The following DPH2 variants were observed in gnomAD, a reference collection of about 807,000 sequenced individuals.
The protein encoded by DPH2 is 2-(3-amino-3-carboxypropyl)histidine synthase subunit 2.
A neutral mutation model predicts 42.5 loss-of-function variants in DPH2; 28 were observed. The observed-to-expected ratio is 0.66, with a 90% CI of 0.49 to 0.90. The LOEUF (loss-of-function observed/expected upper bound fraction) is 0.90, where lower values mean the gene tolerates loss of function less well. Ranked by LOEUF, DPH2 falls within the 40% of genes least tolerant of loss-of-function variation. The pLI is 0.00. For missense variants in DPH2, 576 were observed against 636.0 expected, an observed-to-expected ratio of 0.91 and a Z score of 1.01; for synonymous variants, 279 against 264.4, an observed-to-expected ratio of 1.06 and a Z score of -0.53.
intron 5 of DPH2, 29 bp downstream of exon 5, chr1:43,972,363 G>A: frequency 1.2e-6 from 2 of 1,613,480 alleles, no homozygotes; most frequent in East Asian, 2.2e-5. Context: ...ACTCCCAGCT[G>A]AGCTTTTTCT....
chr1:43,972,621 C>T lies in DPH2; in HGVS notation c.*82C>T, dbSNP rs542210663. 13 of 1,571,212 alleles carry T rather than the reference C, an allele frequency of 8.3e-6. No individual in the cohort carries two copies. Among genetic ancestry groups the T allele is most frequent in the Admixed American group, 5.3e-5 (3 of 56,920 alleles). The stretch of plus-strand genomic sequence containing the variant: ...TGCTCCCTGCACCAACCTCCCATCC[C>T]CCTGCCAAGATCCTTGAAGGACCCT... On this transcript the variant is annotated 3_prime_UTR_variant, in exon 6 of 6. Coordinates refer to ENST00000255108, the MANE Select transcript of DPH2 (RefSeq NM_001384.5).
At chr1:43,972,113 G>C in intron 4 of DPH2, 43 bp downstream of exon 4, 2 of 1,608,768 alleles carry the variant, frequency 1.2e-6, no homozygotes, top group South Asian at 1.1e-5. Flanking sequence ...CCTGGGGCAC[G>C]GAGTCAGGGG....
chr1:43,970,394 G>A (rs1019400176), intron 1 of DPH2, 72 bp downstream of exon 1: 4 of 1,581,500 alleles, frequency 2.5e-6, no homozygotes, highest in Non-Finnish European at 3.4e-6. Flanking sequence ...GGATCTTGGG[G>A]GATTTTGTGA....
At chr1:43,970,886 T>C (rs572975806) in intron 2 of DPH2, 80 bp from the exon 3 acceptor site, 2 of 1,454,424 alleles carry the variant, frequency 1.4e-6, no homozygotes, top group South Asian at 1.2e-5. Flanking sequence ...ACCATTTTAT[T>C]CACTGACCAC....
At chr1:43,970,448 C>T (rs979065521) in intron 1 of DPH2, 126 bp downstream of exon 1, 2 of 1,528,872 alleles carry the variant, frequency 1.3e-6, no homozygotes, top group Non-Finnish European at 1.8e-6. Flanking sequence ...GCGCGTTGAC[C>T]ATCCCTCCCT....
chr1:43,971,427 G>T lies in DPH2; in HGVS notation c.525G>T (p.Leu175=), dbSNP rs1355072933. 6.2e-7 allele frequency: 1 copy of T among 1,608,212 alleles called. No homozygotes were observed. The highest frequency in any genetic ancestry group is 1.7e-5 in the Admixed American group (1 of 59,448). The change falls in exon 4 of 6, where the codon CTG becomes CTT. Residue 175 remains leucine (L), a synonymous_variant. Coordinates refer to ENST00000255108, the MANE Select transcript of DPH2 (RefSeq NM_001384.5). ...ATLLRPRYLD[L]LVSSPAFPQP... ...TCCTGCGCCCACGGTACCTGGACCT[G>T]CTAGTCTCCAGCCCAGCTTTTCCCC...
At position 43,971,464 on chromosome 1, in the gene DPH2, T is replaced by G. The variant is rs1201334829; in HGVS notation, c.562T>G (p.Ser188Ala). The change falls in exon 4 of 6, where the codon TCC becomes GCC. Residue 188 changes from serine (S) to alanine (A), a missense_variant. Ser to Ala is a moderately conservative substitution (Grantham distance 99). Transcript: ENST00000255108. ...SSPAFPQPVGSLSPEPMPLER... is the reference protein window; with the variant it reads ...SSPAFPQPVGALSPEPMPLER... ...CCCAGCTTTTCCCCAACCAGTGGGT[T>G]CCCTGAGTCCAGAGCCTATGCCCCT... is the stretch of plus-strand genomic sequence containing the variant. 1.2e-6 allele frequency: 2 copies of G among 1,613,852 alleles called. No homozygotes were observed. The highest frequency in any genetic ancestry group is 1.3e-5 in the African/African-American group (1 of 74,930).
chr1:43,971,859 G>A lies in DPH2; in HGVS notation c.957G>A (p.Leu319=). The change falls in exon 4 of 6, where the codon CTG becomes CTA. Residue 319 remains leucine (L), a synonymous_variant. Transcript: ENST00000255108. ...AAGKRSYVLA[L]GRPTPAKLAN... ...GCAAGCGTAGCTATGTGTTGGCCCT[G>A]GGGCGGCCCACCCCTGCCAAGCTTG... 3 of 1,614,006 alleles carry A rather than the reference G, an allele frequency of 1.9e-6. No individual in the cohort carries two copies. Among genetic ancestry groups the A allele is most frequent in the East Asian group, 2.2e-5 (1 of 44,886 alleles).
chr1:43,971,835 C>T lies in DPH2; in HGVS notation c.933C>T (p.Gly311=). The T allele has an allele frequency of 6.2e-7, 1 of 1,613,500 alleles. No individual in the cohort carries two copies. The highest frequency in any genetic ancestry group is 1.1e-5 in the South Asian group (1 of 91,088). ...AHLRNLTQAA[G]KRSYVLALGR... is the part of the protein sequence containing the mutation. Reference sequence around the variant, plus strand: ...TGCGGAACCTGACTCAGGCTGCTGGCAAGCGTAGCTATGTGTTGGCCCTGG... The same window carrying T: ...TGCGGAACCTGACTCAGGCTGCTGGTAAGCGTAGCTATGTGTTGGCCCTGG... The change falls in exon 4 of 6, where the codon GGC becomes GGT. Residue 311 remains glycine, a synonymous_variant. Coordinates refer to ENST00000255108, the MANE Select transcript of DPH2 (RefSeq NM_001384.5).
chr1:43,970,823 G>T, intron 2 of DPH2, 115 bp downstream of exon 2: 1 of 1,291,730 alleles, frequency 7.7e-7, no homozygotes, highest in South Asian at 1.2e-5. Context: ...TAATGGTAAT[G>T]ACTCCCCTTC....
At chr1:43,970,372 C>T in intron 1 of DPH2, 50 bp downstream of exon 1, 2 of 1,595,444 alleles carry the variant, frequency 1.3e-6, no homozygotes, top group Non-Finnish European at 8.6e-7. Context: ...GGATGGGTCG[C>T]CCAGAGGATC....
At position 43,972,942 on chromosome 1, in the gene DPH2, A is replaced by C; in HGVS notation, c.*403A>C. ...CGTACTTGACATTTGGGGCCAGATAATTCTTTGTTGTGGGGCTGTCTGGTG... is the reference window on the plus strand; with the variant it reads ...CGTACTTGACATTTGGGGCCAGATACTTCTTTGTTGTGGGGCTGTCTGGTG... On this transcript the variant is annotated 3_prime_UTR_variant, in exon 6 of 6. Transcript: ENST00000255108. 6.0e-6 allele frequency: 1 copy of C among 166,668 alleles called. No individual in the cohort carries two copies. Among genetic ancestry groups the C allele is most frequent in the Non-Finnish European group, 1.3e-5 (1 of 76,864 alleles). The allele number at this position is 166,668 out of a possible 1,614,324, so 10.3% of individuals were successfully genotyped here.
chr1:43,971,937 T>C lies in DPH2; in HGVS notation c.1035T>C (p.Ala345=). Residue 345 remains alanine, a synonymous_variant, in exon 4 of 6, where the codon GCT becomes GCC. Transcript: ENST00000255108. ...VFVLLACPLG[A]LAPQLSGSFF... is the part of the protein sequence containing the mutation. ...TGCTATTAGCCTGTCCTCTGGGTGC[T>C]CTAGCCCCCCAGCTTTCTGGTAGCT... The C allele has an allele frequency of 1.2e-6, 2 of 1,614,220 alleles. No homozygotes were observed. Among genetic ancestry groups the C allele is most frequent in the Non-Finnish European group, 1.7e-6 (2 of 1,180,034 alleles).
At position 43,971,748 on chromosome 1, in the gene DPH2, C is replaced by G. The variant is rs780063524; in HGVS notation, c.846C>G (p.Arg282=). 2 of 1,610,156 alleles carry G rather than the reference C, an allele frequency of 1.2e-6. No individual in the cohort carries two copies. The highest frequency in any genetic ancestry group is 1.3e-5 in the African/African-American group (1 of 75,060). Residue 282 remains arginine, a synonymous_variant, in exon 4 of 6, where the codon CGC becomes CGG. Coordinates refer to ENST00000255108, the MANE Select transcript of DPH2 (RefSeq NM_001384.5). ...TGGTAGAGAGGGCCAGAGATGCCCGCGTGGTAGGGCTGCTGGCAGGCACAC... is the reference window on the plus strand; with the variant it reads ...TGGTAGAGAGGGCCAGAGATGCCCGGGTGGTAGGGCTGCTGGCAGGCACAC... ...RYLVERARDA[R]VVGLLAGTLG...
Position 43,971,716 on chromosome 1 carries a change from C to T in DPH2, c.814C>T (p.Arg272Ter), listed in dbSNP as rs761205307. 6 of 1,612,604 alleles carry T rather than the reference C, an allele frequency of 3.7e-6. No homozygotes were observed. Among genetic ancestry groups the T allele is most frequent in the Non-Finnish European group, 5.1e-6 (6 of 1,179,944 alleles). ...ARAGRLRARRRYLVERARDAR... is the reference protein window; with the variant it reads ...ARAGRLRARR Reference sequence around the variant, plus strand: ...GGCTGGACGGCTAAGGGCACGAAGACGATATCTGGTAGAGAGGGCCAGAGA... The same window carrying T: ...GGCTGGACGGCTAAGGGCACGAAGATGATATCTGGTAGAGAGGGCCAGAGA... Residue 272 changes from arginine (R) to a stop codon, truncating the protein, a stop_gained, in exon 4 of 6, where the codon CGA (arginine) becomes TGA (stop). Transcript: ENST00000255108. LOFTEE classifies it high-confidence loss of function.
At position 43,972,653 on chromosome 1, in the gene DPH2, A is replaced by G. The variant is rs2085460609; in HGVS notation, c.*114A>G. On this transcript the variant is annotated 3_prime_UTR_variant, in exon 6 of 6. Transcript: ENST00000255108. ...AAGATCCTTGAAGGACCCTGGAAGG[A>G]GGGAGAGCAGGCAGCCCTTCACAGG... 6.8e-7 allele frequency: 1 copy of G among 1,471,384 alleles called. No individual in the cohort carries two copies. The highest frequency in any genetic ancestry group is 1.9e-5 in the Admixed American group (1 of 51,502). 91.1% of individuals were successfully genotyped at this position (1,471,384 alleles called of 1,614,324 possible).
intron 2 of DPH2, 84 bp downstream of exon 2, chr1:43,970,792 G>T (rs771025509): frequency 3.6e-6 from 5 of 1,389,586 alleles, no homozygotes; most frequent in African/African-American, 1.4e-5. Flanking sequence ...TGCCTTCAAT[G>T]GTGGTGTTTC....
Position 43,971,828 on chromosome 1 carries a change from C to A in DPH2, c.926C>A (p.Ala309Asp). ...ALAHLRNLTQ[A>D]AGKRSYVLAL... The stretch of plus-strand genomic sequence containing the variant: ...GCCCACTTGCGGAACCTGACTCAGG[C>A]TGCTGGCAAGCGTAGCTATGTGTTG... The change falls in exon 4 of 6, where the codon GCT (alanine) becomes GAT (aspartate). Residue 309 changes from alanine (A) to aspartate (D), a missense_variant. This residue lies in a region of DPH2 where 395 missense variants were observed against 435.2 expected (regional missense o/e 0.91). Coordinates refer to ENST00000255108, the MANE Select transcript of DPH2 (RefSeq NM_001384.5). 1 of 1,613,294 alleles carries A rather than the reference C, an allele frequency of 6.2e-7. No homozygotes were observed. Among genetic ancestry groups the A allele is most frequent in the Non-Finnish European group, 8.5e-7 (1 of 1,180,050 alleles).
At position 43,971,186 on chromosome 1, in the gene DPH2, C is replaced by T; in HGVS notation, c.481C>T (p.Leu161=). The T allele has an allele frequency of 1.3e-6, 2 of 1,553,702 alleles. No homozygotes were observed. The highest frequency in any genetic ancestry group is 1.7e-6 in the Non-Finnish European group (2 of 1,147,846). Residue 161 remains leucine (L), a synonymous_variant, in exon 3 of 6, where the codon CTG becomes TTG. Transcript: ENST00000255108. ...LLSEPACAHA[L]EALATLLRPR... The stretch of plus-strand genomic sequence containing the variant: ...GAGTGAGCCGGCCTGTGCCCATGCC[C>T]TGGGTAAGGGGTTTTGCCTGTGTAT...
Sources: allele counts gnomAD v4.1 joint callset, GRCh38; gene constraint gnomAD v4.1.1; regional missense constraint gnomAD v4.1.1; transcripts MANE v1.5; gene names NCBI Gene and HGNC (gene_info 2026-07-23, HGNC 2026-07-21).